The following CIB1 variants were observed in gnomAD, a reference collection of about 807,000 sequenced individuals.
The protein encoded by CIB1 is calcium and integrin-binding protein 1.
In CIB1, 19 loss-of-function variants were observed where a neutral mutation model predicts 25.0. The ratio of observed to expected loss-of-function variants is 0.76; its 90% CI spans 0.53 to 1.12. The LOEUF (loss-of-function observed/expected upper bound fraction) is 1.12. Among genes scored for constraint, CIB1 ranks in the 50% most tolerant of loss-of-function variants. The pLI is 0.00. For synonymous variants in CIB1, 104 were observed against 98.5 expected, an observed-to-expected ratio of 1.06 and a Z score of -0.33; for missense variants, 236 against 242.6, an observed-to-expected ratio of 0.97 and a Z score of 0.18.
the CIB1 span, chr15:90,241,289 C>A: frequency 6.2e-7 from 1 of 1,614,216 alleles, no homozygotes; most frequent in South Asian, 1.1e-5. Context: ...TCAACTTCAA[C>A]AAGATCCGGC....
chr15:90,253,656 A>G, the CIB1 span, among the ~76,000 whole-genome samples: 40 of 152,250 alleles, frequency 2.6e-4, no homozygotes, highest in African/African-American at 9.4e-4. Flanking sequence ...GGGTGAGCAC[A>G]TCTTAGGGAG....
the CIB1 span, chr15:90,258,492 T>C: frequency 4.9e-6 from 3 of 617,490 alleles, no homozygotes; most frequent in African/African-American, 1.8e-5. Flanking sequence ...AGGTTTGGGA[T>C]CCCCAGTGCC....
chr15:90,256,759 G>C, the CIB1 span, among the ~76,000 whole-genome samples: 1 of 151,648 alleles, frequency 6.6e-6, no homozygotes, highest in South Asian at 2.1e-4. Flanking sequence ...CACGATCTCA[G>C]CTCCCTGCAA....
In CIB1 at chr15:90,231,153, G is replaced by A. The variant is rs368617389; in HGVS notation, c.407C>T (p.Thr136Met). 1.9e-5 allele frequency: 31 copies of A among 1,614,054 alleles called. No individual in the cohort carries two copies. In the East Asian group the frequency reaches 2.2e-4, roughly 12 times the overall value. The change falls in exon 5 of 7, where the codon ACG becomes ATG. Residue 136 changes from threonine (T) to methionine (M), a missense_variant. Physicochemically the swap from Thr to Met is moderately conservative, Grantham distance 81. Coordinates refer to ENST00000328649, the MANE Select transcript of CIB1 (RefSeq NM_006384.4). ...EDLSRLVNCL[T>M]GEGEDTRLSA... Reference sequence around the variant, plus strand: ...AAGCCGTGTGTCCTCGCCCTCTCCCGTGAGGCAGTTCACCAGCCGGCTCAG... The same window carrying A: ...AAGCCGTGTGTCCTCGCCCTCTCCCATGAGGCAGTTCACCAGCCGGCTCAG...
At chr15:90,244,390 G>A in the CIB1 span, 2 of 152,142 alleles carry the variant, frequency 1.3e-5, no homozygotes, top group African/African-American at 2.4e-5. Flanking sequence ...TTATCTCATT[G>A]CTTTGTTCTG....
At chr15:90,263,112 C>T in the CIB1 span, 1 of 1,529,378 alleles carries the variant, frequency 6.5e-7, no homozygotes, top group Middle Eastern at 1.7e-4. Context: ...AGCACCCTGG[C>T]CCCCAGGGCC....
chr15:90,262,833 G>A, the CIB1 span: 1 of 1,246,404 alleles, frequency 8.0e-7, no homozygotes, highest in Non-Finnish European at 1.1e-6. Context: ...GTGAGAGAAT[G>A]GACAGCAAAA....
chr15:90,234,027 A>C, upstream of CIB1: 2 of 980,860 alleles, frequency 2.0e-6, no homozygotes, highest in Non-Finnish European at 2.8e-6. Context: ...CCCTCCTAAA[A>C]GCTGCCAGGC....
chr15:90,231,003 A>T lies in CIB1; in HGVS notation c.485T>A (p.Ile162Asn). The change falls in exon 6 of 7, where the codon ATT becomes AAT. Residue 162 changes from isoleucine to asparagine, a missense_variant. Coordinates refer to ENST00000328649, the MANE Select transcript of CIB1 (RefSeq NM_006384.4). ...GAGGTTGATGGTTCCATCCCTGTCA[A>T]TGTCAGACTCCTCCAGGATCTGGGA... The part of the protein sequence containing the change: ...LIDNILEESD[I>N]DRDGTINLSE... 6.2e-7 allele frequency: 1 copy of T among 1,614,138 alleles called. No individual in the cohort carries two copies. The highest frequency in any genetic ancestry group is 8.5e-7 in the Non-Finnish European group (1 of 1,179,992).
the CIB1 span, among the ~76,000 whole-genome samples, chr15:90,246,471 T>C: frequency 9.0e-3 from 1,367 of 151,908 alleles, 12 homozygotes; most frequent in Non-Finnish European, 0.013. Context: ...GAGTGAAGAA[T>C]AGAATCAGGG....
At chr15:90,265,746 C>G in the CIB1 span, 2 of 1,613,044 alleles carry the variant, frequency 1.2e-6, no homozygotes, top group African/African-American at 1.3e-5. Context: ...GCTGGGCGGG[C>G]GCGTTTGCGC....
the CIB1 span, chr15:90,257,521 A>G: frequency 6.2e-4 from 661 of 1,064,438 alleles, 3 homozygotes; most frequent in African/African-American, 9.3e-3. Flanking sequence ...CCTCTGGTGG[A>G]GAGAGACAGG....
upstream of CIB1, chr15:90,234,679 A>C (rs1203535590): frequency 6.6e-6 from 1 of 152,112 alleles, no homozygotes; most frequent in African/African-American, 2.4e-5. Context: ...TTTAGAAGGT[A>C]ATCGGTCCAG....
At chr15:90,241,490 G>C in the CIB1 span, 1 of 1,613,750 alleles carries the variant, frequency 6.2e-7, no homozygotes, top group South Asian at 1.1e-5. Flanking sequence ...AGGCTGTGCT[G>C]CTGAGCTTAC....
At chr15:90,246,685 G>A in the CIB1 span, among the ~76,000 whole-genome samples, 1 of 150,210 alleles carries the variant, frequency 6.7e-6, no homozygotes, top group Non-Finnish European at 1.5e-5. Flanking sequence ...CTACTCAGGA[G>A]GCTGACGCAG....
At chr15:90,241,795 C>T in the CIB1 span, 39 of 1,614,216 alleles carry the variant, frequency 2.4e-5, no homozygotes, top group Admixed American at 1.8e-4. Context: ...CGGGGAGCTC[C>T]GCCGGGAAAG....
In CIB1 at chr15:90,230,147, TG is replaced by T. The variant is rs770764729; in HGVS notation, c.*336del. The T allele has an allele frequency of 2.3e-5, 8 of 347,928 alleles. No homozygotes were observed. Among genetic ancestry groups the T allele is most frequent in the Non-Finnish European group, 4.3e-5 (8 of 187,068 alleles). The allele number at this position is 347,928 out of a possible 1,614,324, so 21.6% of individuals were successfully genotyped here. On this transcript the variant is annotated 3_prime_UTR_variant, in exon 7 of 7. Coordinates refer to ENST00000328649, the MANE Select transcript of CIB1 (RefSeq NM_006384.4). ...GCGTGGGTGCGGCTTGACTTCCCGC[TG>T]GCCTCTGCTCGATATGCTGCTTATT...
intron 6 of CIB1, 104 bp from the exon 7 acceptor site, chr15:90,230,609 T>C (rs1347765001): frequency 9.8e-6 from 12 of 1,228,786 alleles, no homozygotes; most frequent in African/African-American, 1.5e-5. Flanking sequence ...GAACGGGCTA[T>C]GTTCCGTGTG....
At chr15:90,259,315 A>G in the CIB1 span, among the ~76,000 whole-genome samples, 1 of 152,062 alleles carries the variant, frequency 6.6e-6, no homozygotes, top group African/African-American at 2.4e-5. Flanking sequence ...ACTTGAGCCC[A>G]GGAGGTCAAG....
Sources: allele counts gnomAD v4.1 joint callset (sites outside exome capture counted in the v4.1 genomes callset), GRCh38; gene constraint gnomAD v4.1.1; transcripts MANE v1.5; gene names NCBI Gene and HGNC (gene_info 2026-07-23, HGNC 2026-07-21).